CACNA2D1: variants seen among roughly 807,000 people sequenced by gnomAD.
CACNA2D1 encodes calcium voltage-gated channel auxiliary subunit alpha2delta 1, also known as voltage-dependent calcium channel subunit alpha-2/delta-1.
Under a neutral mutation model 171.5 loss-of-function variants are expected in CACNA2D1, and 53 were observed. That is an observed-to-expected ratio of 0.31 (90% CI 0.25 to 0.39). The LOEUF (loss-of-function observed/expected upper bound fraction) is 0.39, where lower values mean the gene tolerates loss of function less well. Among genes scored for constraint, CACNA2D1 ranks in the 10% least tolerant of loss-of-function variants. The pLI, the probability that CACNA2D1 is intolerant of heterozygous loss-of-function variation, is 1.00. For synonymous variants in CACNA2D1, 442 were observed against 443.1 expected, an observed-to-expected ratio of 1.00 and a Z score of 0.03; for missense variants, 903 against 1,299.8, an observed-to-expected ratio of 0.69 and a Z score of 4.69.
intron 1 of CACNA2D1, among the ~76,000 whole-genome samples, chr7:82,424,419 T>C (rs1396650709): frequency 6.6e-6 from 1 of 152,270 alleles, no homozygotes; most frequent in East Asian, 1.9e-4. Flanking sequence ...AATGAAGAAA[T>C]CATTAATACT....
rs79997830 is a variant in CACNA2D1 at position 82,200,910 on chromosome 7, C to T, written c.295-30301G>A. Among the ~76,000 whole-genome samples the T allele has an allele frequency of 2.1e-3, 323 of 152,210 alleles. 1 individual carries two copies. The highest frequency in any genetic ancestry group is 3.8e-3 in the African/African-American group (157 of 41,514). On this transcript the variant is annotated intron_variant, in intron 3 of 38. Transcript: ENST00000356860. ...GACAAGCAATCTTATGACTGGAGAACGATAAGGCATGCGTGTGCATATATG... is the reference window on the plus strand; with the variant it reads ...GACAAGCAATCTTATGACTGGAGAATGATAAGGCATGCGTGTGCATATATG...
At chr7:81,979,462 T>C (rs1304266183) in intron 24 of CACNA2D1, among the ~76,000 whole-genome samples, 1 of 152,142 alleles carries the variant, frequency 6.6e-6, no homozygotes, top group Non-Finnish European at 1.5e-5. Flanking sequence ...TTCCACCTTG[T>C]CTTATAGTGA....
intron 16 of CACNA2D1, among the ~76,000 whole-genome samples, chr7:82,006,458 A>G (rs1415079622): frequency 6.6e-6 from 1 of 152,132 alleles, no homozygotes; most frequent in Admixed American, 6.6e-5. Flanking sequence ...ATAATCTTCT[A>G]TGGGACATAA....
intron 3 of CACNA2D1, among the ~76,000 whole-genome samples, chr7:82,314,835 A>C (rs1453855042): frequency 2.0e-5 from 3 of 152,122 alleles, no homozygotes; most frequent in African/African-American, 7.2e-5. Flanking sequence ...AAAATGTGAT[A>C]ATTCAAAGCA....
Position 82,140,672 on chromosome 7 carries a change from T to C in CACNA2D1, c.355-3996A>G, listed in dbSNP as rs561490930. 3.3e-5 allele frequency among the ~76,000 whole-genome samples: 5 copies of C among 152,144 alleles called. No individual in the cohort carries two copies. The South Asian group carries it at 1.0e-3, about 32-fold the overall frequency. On this transcript the variant is annotated intron_variant, in intron 4 of 38. Transcript: ENST00000356860. Reference sequence around the variant, plus strand: ...ATTTTCTTATAAAAAAAAATTGCAATTGGCTGGGCGCGGTGGCTCATGCCT... The same window carrying C: ...ATTTTCTTATAAAAAAAAATTGCAACTGGCTGGGCGCGGTGGCTCATGCCT...
At chr7:82,068,803 C>T (rs1023652706) in intron 7 of CACNA2D1, among the ~76,000 whole-genome samples, 8 of 151,976 alleles carry the variant, frequency 5.3e-5, no homozygotes, top group East Asian at 1.9e-4. Flanking sequence ...AATTGTTTAC[C>T]GATCACATTC....
At chr7:82,067,321 T>G (rs989564885) in intron 7 of CACNA2D1, among the ~76,000 whole-genome samples, 2 of 152,200 alleles carry the variant, frequency 1.3e-5, no homozygotes, top group Non-Finnish European at 2.9e-5. Context: ...TCCCCGTACT[T>G]GGACATGTTT....
chr7:82,299,249 G>A (rs1460806315), intron 3 of CACNA2D1, among the ~76,000 whole-genome samples: 1 of 151,996 alleles, frequency 6.6e-6, no homozygotes, highest in Non-Finnish European at 1.5e-5. Context: ...TTTGTTTTGG[G>A]GGGTTTTAGG....
At chr7:82,111,320 A>G (rs1788360232) in intron 6 of CACNA2D1, among the ~76,000 whole-genome samples, 1 of 144,182 alleles carries the variant, frequency 6.9e-6, no homozygotes, top group African/African-American at 2.6e-5. Flanking sequence ...ATATACGTGT[A>G]TATACGCATA....
chr7:82,106,873 T>C (rs1300297118), intron 6 of CACNA2D1, among the ~76,000 whole-genome samples: 1 of 152,206 alleles, frequency 6.6e-6, no homozygotes, highest in Admixed American at 6.5e-5. Flanking sequence ...ATGTGGGCAT[T>C]GTTCTCCTAA....
chr7:81,976,415 C>G lies in CACNA2D1; in HGVS notation c.1956-1863G>C, dbSNP rs576930309. On this transcript the variant is annotated intron_variant, in intron 24 of 38. Transcript: ENST00000356860. ...CATTTGTTTTTGTCTTCTCTTACTT[C>G]TTTGAGCAGTGGTTTGTAGTTCTCC... Among the ~76,000 whole-genome samples the G allele has an allele frequency of 2.7e-4, 41 of 152,318 alleles. 1 individual carries two copies. In the South Asian group the frequency reaches 7.2e-3, roughly 27 times the overall value.
intron 3 of CACNA2D1, among the ~76,000 whole-genome samples, chr7:82,210,607 A>G (rs1419569797): frequency 6.6e-6 from 1 of 152,192 alleles, no homozygotes; most frequent in African/African-American, 2.4e-5. Context: ...AAGGGAGACA[A>G]CCAGACTCCT....
At chr7:82,388,942 C>A (rs1167312658) in intron 1 of CACNA2D1, among the ~76,000 whole-genome samples, 1 of 151,628 alleles carries the variant, frequency 6.6e-6, no homozygotes, top group Non-Finnish European at 1.5e-5. Context: ...ATAGCAAAAC[C>A]CTGTCTCTAC....
At chr7:82,311,446 T>C (rs904795911) in intron 3 of CACNA2D1, among the ~76,000 whole-genome samples, 2 of 152,048 alleles carry the variant, frequency 1.3e-5, no homozygotes, top group South Asian at 2.1e-4. Flanking sequence ...GCTGAACTGA[T>C]GGAGGACAAA....
chr7:82,429,718 C>A (rs73388038), intron 1 of CACNA2D1, among the ~76,000 whole-genome samples: 1 of 152,144 alleles, frequency 6.6e-6, no homozygotes. Context: ...TCATTACCAT[C>A]GAGCAAAAAT....
At chr7:82,344,800 T>C (rs907441708) in intron 2 of CACNA2D1, among the ~76,000 whole-genome samples, 13 of 152,186 alleles carry the variant, frequency 8.5e-5, no homozygotes, top group Admixed American at 4.6e-4. Flanking sequence ...CAGCACTTAA[T>C]TGTTGAGGAA....
chr7:82,061,606 G>A (rs567785146), intron 9 of CACNA2D1, among the ~76,000 whole-genome samples: 61 of 152,166 alleles, frequency 4.0e-4, no homozygotes, highest in African/African-American at 7.2e-4. Flanking sequence ...CTTCCTGCCC[G>A]CTGCACTAAC....
At chr7:82,227,708 C>T (rs1019593758) in intron 3 of CACNA2D1, among the ~76,000 whole-genome samples, 3 of 152,094 alleles carry the variant, frequency 2.0e-5, no homozygotes, top group African/African-American at 7.2e-5. Context: ...TTGTTTGAAA[C>T]CTTAAAGCCA....
At chr7:82,095,965 G>C (rs1187743429) in intron 6 of CACNA2D1, among the ~76,000 whole-genome samples, 2 of 152,160 alleles carry the variant, frequency 1.3e-5, no homozygotes, top group South Asian at 2.1e-4. Context: ...CCAATTTTTA[G>C]ATAAGTCCTT....
Sources: gnomAD v4.1 joint callset for allele counts (sites outside exome capture counted in the v4.1 genomes callset) on GRCh38, gnomAD v4.1.1 for gene constraint, MANE v1.5 for transcripts, NCBI Gene and HGNC (gene_info 2026-07-23, HGNC 2026-07-21) for gene names.